The following DNAJC6 variants were observed in gnomAD, a reference collection of about 807,000 sequenced individuals.
The protein encoded by DNAJC6 is DnaJ heat shock protein family (Hsp40) member C6.
DNAJC6 carries 34 observed loss-of-function variants against 110.0 expected under a neutral mutation model. That is an observed-to-expected ratio of 0.31 (90% CI 0.24 to 0.41). The LOEUF (loss-of-function observed/expected upper bound fraction) is 0.41, where lower values mean the gene tolerates loss of function less well. Ranked by LOEUF, DNAJC6 falls within the 10% of genes least tolerant of loss-of-function variation. The pLI, the probability that DNAJC6 is intolerant of heterozygous loss-of-function variation, is 1.00. For synonymous variants in DNAJC6, 406 were observed against 437.2 expected (o/e 0.93, Z 0.89); for missense variants, 1,031 against 1,207.8 (o/e 0.85, Z 2.17).
intron 4 of DNAJC6, among the ~76,000 whole-genome samples, chr1:65,369,813 A>T (rs1645688358): frequency 6.6e-6 from 1 of 152,226 alleles, no homozygotes. Flanking sequence ...TTTTATGCTT[A>T]GAAGCCACAT....
Position 65,401,773 on chromosome 1 carries a change from T to C in DNAJC6, c.2120T>C (p.Met707Thr). 1 of 1,612,626 alleles carries C rather than the reference T, an allele frequency of 6.2e-7. No individual in the cohort carries two copies. Among genetic ancestry groups the C allele is most frequent in the Admixed American group, 1.7e-5 (1 of 59,370 alleles). ...ATTTCCTTTTCAGGAGGCTTTGGAA[T>C]GGGAAGCAAGTCAGCTGCCACCAGC... ...DWHAKPGGFG[M>T]GSKSAATSPT... The change falls in exon 15 of 19, where the codon ATG (methionine) becomes ACG (threonine). Residue 707 changes from methionine to threonine, a missense_variant. Physicochemically the swap from Met to Thr is moderately conservative, Grantham distance 81. Coordinates refer to ENST00000371069, the MANE Select transcript of DNAJC6 (RefSeq NM_001256864.2).
At chr1:65,321,257 G>A (rs1645194584) in intron 1 of DNAJC6, among the ~76,000 whole-genome samples, 1 of 152,208 alleles carries the variant, frequency 6.6e-6, no homozygotes, top group Non-Finnish European at 1.5e-5. Flanking sequence ...CTGGAATGCA[G>A]TGGTGCAATC....
At chr1:65,281,898 G>T (rs940961978) in intron 1 of DNAJC6, among the ~76,000 whole-genome samples, 1 of 151,928 alleles carries the variant, frequency 6.6e-6, no homozygotes, top group Non-Finnish European at 1.5e-5. Flanking sequence ...GTTAGCCACC[G>T]TGCCCAGCCC....
chr1:65,347,043 A>G (rs1274650045), intron 1 of DNAJC6, among the ~76,000 whole-genome samples: 1 of 152,172 alleles, frequency 6.6e-6, no homozygotes, highest in African/African-American at 2.4e-5. Context: ...ATCAACTAAT[A>G]ATTATAATGC....
Position 65,405,453 on chromosome 1 carries a change from G to T in DNAJC6, c.2228-417G>T, listed in dbSNP as rs117685495. On this transcript the variant is annotated intron_variant, in intron 15 of 18. Coordinates refer to ENST00000371069, the MANE Select transcript of DNAJC6 (RefSeq NM_001256864.2). ...TATTCCCCATTCTTGTCATTTGGTG[G>T]TTTTTTTTAAATTTTATTCTAGTGA... Among the ~76,000 whole-genome samples the T allele has an allele frequency of 1.2e-3, 180 of 152,060 alleles. 1 individual carries two copies. The highest frequency in any genetic ancestry group is 8.3e-3 in the East Asian group (43 of 5,168).
At position 65,408,651 on chromosome 1, in the gene DNAJC6, A is replaced by G; in HGVS notation, c.2502A>G (p.Gln834=). ...AAAATTATATTGCAGAAGGGAAACA[A>G]AAAGCAGCTGATTTTGAAGACCTAC... ...GKGSSNLEGK[Q]KAADFEDLLS... Residue 834 remains glutamine, a synonymous_variant, in exon 17 of 19, where the codon CAA becomes CAG. Transcript: ENST00000371069. The G allele has an allele frequency of 6.2e-7, 1 of 1,610,460 alleles. No individual in the cohort carries two copies. The highest frequency in any genetic ancestry group is 1.1e-5 in the South Asian group (1 of 90,498).
chr1:65,347,756 TAC>T (rs961896461), intron 1 of DNAJC6, among the ~76,000 whole-genome samples: 1 of 151,592 alleles, frequency 6.6e-6, no homozygotes. Flanking sequence ...CGTGCACACA[TAC>T]ACACACACAC....
intron 1 of DNAJC6, among the ~76,000 whole-genome samples, chr1:65,333,117 T>G (rs1473999852): frequency 6.6e-6 from 1 of 152,194 alleles, no homozygotes; most frequent in African/African-American, 2.4e-5. Flanking sequence ...ATTCACCTGC[T>G]CATATTAAGA....
At chr1:65,278,766 A>T (rs1211699321) in intron 1 of DNAJC6, among the ~76,000 whole-genome samples, 1 of 152,160 alleles carries the variant, frequency 6.6e-6, no homozygotes, top group Non-Finnish European at 1.5e-5. Flanking sequence ...AGGAAAAATT[A>T]CCTGGGGACT....
In DNAJC6 at chr1:65,389,615, C is replaced by G. The variant is rs78141380; in HGVS notation, c.1456C>G (p.Leu486Val). 2 of 1,614,062 alleles carry G rather than the reference C, an allele frequency of 1.2e-6. No homozygotes were observed. Residue 486 changes from leucine (L) to valine (V), a missense_variant, in exon 11 of 19, where the codon CTC becomes GTC. By Grantham distance (32) the Leu-to-Val change is conservative. Transcript: ENST00000371069. ...CGGACAAAGTGGTTTCTTTGCCTCT[C>G]TCTGTTGGCAAGGTATTTACAAGTG... ...HYGQSGFFAS[L>V]CWQDQKSEKS...
At chr1:65,395,214 G>A (rs1305416072) in intron 13 of DNAJC6, among the ~76,000 whole-genome samples, 182 bp downstream of exon 13, 5 of 152,172 alleles carry the variant, frequency 3.3e-5, no homozygotes, top group Non-Finnish European at 7.4e-5. Flanking sequence ...TTACAGGACA[G>A]AAACCTGCTT....
intron 1 of DNAJC6, among the ~76,000 whole-genome samples, chr1:65,361,622 A>C (rs1361087587): frequency 1.3e-5 from 2 of 152,240 alleles, no homozygotes; most frequent in Non-Finnish European, 2.9e-5. Flanking sequence ...ACAAAGTGGT[A>C]AAAATGTAAA....
chr1:65,332,849 C>A (rs967881663), intron 1 of DNAJC6, among the ~76,000 whole-genome samples: 4 of 152,138 alleles, frequency 2.6e-5, no homozygotes, highest in South Asian at 2.1e-4. Flanking sequence ...TTCCTCTTAA[C>A]GTACATTCAA....
In DNAJC6 at chr1:65,334,982, T is replaced by G. The variant is rs1036197499; in HGVS notation, c.193+25044T>G. ...GTGCTTGTTGCCTATCCTACCACCC[T>G]TTGGTAAACACCCTGTGCAGTATTG... On this transcript the variant is annotated intron_variant, in intron 1 of 18. Coordinates refer to ENST00000371069, the MANE Select transcript of DNAJC6 (RefSeq NM_001256864.2). 1.3e-4 allele frequency among the ~76,000 whole-genome samples: 20 copies of G among 152,234 alleles called. 1 individual carries two copies. The highest frequency in any genetic ancestry group is 1.3e-3 in the Admixed American group (20 of 15,272).
chr1:65,279,737 T>C (rs1488679526), intron 1 of DNAJC6: 1 of 152,220 alleles, frequency 6.6e-6, no homozygotes, highest in Non-Finnish European at 1.5e-5. Context: ...TCTGCTCCTC[T>C]TTCCAGTAGT....
In DNAJC6 at chr1:65,389,557, A is replaced by G. The variant is rs1316199341; in HGVS notation, c.1398A>G (p.Pro466=). The change falls in exon 11 of 19, where the codon CCA becomes CCG. Residue 466 remains proline (P), a synonymous_variant. Transcript: ENST00000371069. ...CTTTTTGTCTTGCAGGACAGGCTCC[A>G]ATAGATATCCCTCCAGACAACCCCA... ...QDTLALGGQA[P]IDIPPDNPRH... The G allele has an allele frequency of 1.9e-6, 3 of 1,614,174 alleles. No homozygotes were observed. In the Admixed American group the frequency reaches 5.0e-5, roughly 27 times the overall value.
At chr1:65,300,745 A>C (rs1464166710) in intron 1 of DNAJC6, among the ~76,000 whole-genome samples, 2 of 152,154 alleles carry the variant, frequency 1.3e-5, no homozygotes. Context: ...AGAAAATGCT[A>C]GTTCCTTCCC....
intron 13 of DNAJC6, among the ~76,000 whole-genome samples, chr1:65,397,292 C>A (rs1400744505): frequency 2.9e-5 from 4 of 137,614 alleles, no homozygotes; most frequent in Non-Finnish European, 5.9e-5. Flanking sequence ...GGGTACTTCC[C>A]CCGGGTTTCT....
At chr1:65,276,078 C>T (rs1214821664) in intron 1 of DNAJC6, among the ~76,000 whole-genome samples, 4 of 151,912 alleles carry the variant, frequency 2.6e-5, no homozygotes, top group Non-Finnish European at 4.4e-5. Flanking sequence ...GATGGGGTTT[C>T]GCCATGTTGG....
Sources: allele counts gnomAD v4.1 joint callset (sites outside exome capture counted in the v4.1 genomes callset), GRCh38; gene constraint gnomAD v4.1.1; transcripts MANE v1.5; gene names NCBI Gene and HGNC (gene_info 2026-07-23, HGNC 2026-07-21).